Variants in COL21A1 observed in about 807,000 individuals in gnomAD.
COL21A1 encodes collagen alpha-1(XXI) chain.
In COL21A1, 149 loss-of-function variants were observed where a neutral mutation model predicts 137.9. That is an observed-to-expected ratio of 1.08 (90% CI 0.95 to 1.24). COL21A1 has a LOEUF of 1.24. Ranked by LOEUF, COL21A1 falls within the 50% of genes most tolerant of loss-of-function variation. The pLI, the probability that COL21A1 is intolerant of heterozygous loss-of-function variation, is 0.00. For missense variants in COL21A1, 1,167 were observed against 1,158.4 expected (o/e 1.01, Z -0.11); for synonymous variants, 456 against 391.5 (o/e 1.16, Z -1.95).
rs781665166 is a variant in COL21A1, at chr6:56,212,585, C to A, written c.-38-29929G>T. 2.5e-4 allele frequency among the ~76,000 whole-genome samples: 38 copies of A among 152,006 alleles called. No individual in the cohort carries two copies. The Middle Eastern group carries it at 0.01, about 41-fold the overall frequency. On this transcript the variant is annotated intron_variant, in intron 1 of 29. Coordinates refer to ENST00000244728, the MANE Select transcript of COL21A1 (RefSeq NM_030820.4). ...AAGGAAAACAACTAATCATGAAAAA[C>A]AAAAGTGCTTAACACTACATGGAAC...
At chr6:56,098,634 T>G (rs1404654647) in intron 17 of COL21A1, among the ~76,000 whole-genome samples, 4 of 53,270 alleles carry the variant, frequency 7.5e-5, no homozygotes, top group Non-Finnish European at 1.2e-4. Context: ...TAAATATATA[T>G]ATAAATATAT....
At chr6:56,184,007 T>A (rs1778097624) in intron 1 of COL21A1, among the ~76,000 whole-genome samples, 1 of 151,962 alleles carries the variant, frequency 6.6e-6, no homozygotes, top group South Asian at 2.1e-4. Context: ...CCCCAAGGCA[T>A]AAAAACATGA....
intron 19 of COL21A1, among the ~76,000 whole-genome samples, chr6:56,075,074 G>A (rs1562154726): frequency 6.6e-6 from 1 of 151,052 alleles, no homozygotes; most frequent in Admixed American, 6.6e-5. Flanking sequence ...AATTTACTCT[G>A]TTTTAGGAGC....
At chr6:56,123,326 C>A (rs964834611) in intron 16 of COL21A1, among the ~76,000 whole-genome samples, 8 of 152,084 alleles carry the variant, frequency 5.3e-5, no homozygotes, top group Non-Finnish European at 1.0e-4. Flanking sequence ...GTATACTCTT[C>A]GAAGAATCAT....
chr6:56,182,832 T>C (rs1027001125), intron 1 of COL21A1, among the ~76,000 whole-genome samples, 176 bp from the exon 2 acceptor site: 1 of 152,174 alleles, frequency 6.6e-6, no homozygotes. Flanking sequence ...AGGAGGACAA[T>C]GAATAGTGGC....
At chr6:56,216,879 C>T (rs1435113949) in intron 1 of COL21A1, among the ~76,000 whole-genome samples, 1 of 151,902 alleles carries the variant, frequency 6.6e-6, no homozygotes, top group Non-Finnish European at 1.5e-5. Flanking sequence ...AAGATAATTA[C>T]AGAATAATTT....
At chr6:56,120,280 C>A (rs1363761381) in intron 16 of COL21A1, among the ~76,000 whole-genome samples, 1 of 152,030 alleles carries the variant, frequency 6.6e-6, no homozygotes. Flanking sequence ...ATACAAATGG[C>A]AAACAGGCAT....
Position 56,130,165 on chromosome 6 carries a change from T to TTATATATATA in COL21A1, c.1543-4026_1543-4017dup, listed in dbSNP as rs201644225. Among the ~76,000 whole-genome samples the TTATATATATA allele has an allele frequency of 6.5e-3, 696 of 107,208 alleles. 11 individuals carry two copies. Among genetic ancestry groups the TTATATATATA allele is most frequent in the Non-Finnish European group, 7.9e-3 (419 of 52,722 alleles). 70.3% of individuals were successfully genotyped at this position (107,208 alleles called of 152,430 possible). On this transcript the variant is annotated intron_variant, in intron 12 of 29. Coordinates refer to ENST00000244728, the MANE Select transcript of COL21A1 (RefSeq NM_030820.4). ...CCCTGAGAGCATTCATGACAGGGTT[T>TTATATATATA]TATATATATATATATATATATATAT...
intron 17 of COL21A1, among the ~76,000 whole-genome samples, chr6:56,095,129 C>CAA (rs1414728270): frequency 6.6e-6 from 1 of 152,146 alleles, no homozygotes; most frequent in African/African-American, 2.4e-5. Context: ...TCTATTTTTA[C>CAA]AAGCCTATTA....
At chr6:56,341,333 C>T (rs1765464158) in intron 1 of COL21A1, among the ~76,000 whole-genome samples, 1 of 152,082 alleles carries the variant, frequency 6.6e-6, no homozygotes, top group African/African-American at 2.4e-5. Flanking sequence ...TCAATAAACT[C>T]CATTATTCAA....
chr6:56,168,498 C>T (rs1776774067), intron 5 of COL21A1, among the ~76,000 whole-genome samples: 1 of 152,032 alleles, frequency 6.6e-6, no homozygotes, highest in East Asian at 1.9e-4. Context: ...TATCTGAGTT[C>T]CTATTACATA....
At chr6:56,206,931 G>T (rs1226036915) in intron 1 of COL21A1, among the ~76,000 whole-genome samples, 2 of 151,830 alleles carry the variant, frequency 1.3e-5, no homozygotes, top group Non-Finnish European at 2.9e-5. Context: ...ACCTACTCCT[G>T]AATGACTACT....
chr6:56,219,554 T>C (rs1780701811), intron 1 of COL21A1, among the ~76,000 whole-genome samples: 1 of 152,120 alleles, frequency 6.6e-6, no homozygotes, highest in African/African-American at 2.4e-5. Context: ...GTCTCGACTT[T>C]TTGCAAATTC....
At chr6:56,282,671 A>G (rs964710278) in intron 1 of COL21A1, among the ~76,000 whole-genome samples, 1 of 152,162 alleles carries the variant, frequency 6.6e-6, no homozygotes, top group African/African-American at 2.4e-5. Context: ...AAATCCAGAC[A>G]CCTTTGTCTT....
At chr6:56,302,689 C>T (rs1226617618) in intron 1 of COL21A1, among the ~76,000 whole-genome samples, 1 of 151,972 alleles carries the variant, frequency 6.6e-6, no homozygotes, top group Non-Finnish European at 1.5e-5. Context: ...TGCCTGTTCA[C>T]TCTGATGGTA....
At chr6:56,159,066 A>G (rs1002891374) in intron 9 of COL21A1, among the ~76,000 whole-genome samples, 1 of 152,012 alleles carries the variant, frequency 6.6e-6, no homozygotes, top group African/African-American at 2.4e-5. Context: ...TTCCTTATCC[A>G]TGTGCTGATT....
chr6:56,264,065 T>C (rs1447978738), intron 1 of COL21A1, among the ~76,000 whole-genome samples: 2 of 152,200 alleles, frequency 1.3e-5, no homozygotes, highest in Non-Finnish European at 2.9e-5. Context: ...TTATAATGTT[T>C]TCCTTATGAT....
chr6:56,385,517 T>C (rs992129923), intron 1 of COL21A1, among the ~76,000 whole-genome samples: 28 of 152,206 alleles, frequency 1.8e-4, no homozygotes, highest in African/African-American at 6.0e-4. Context: ...CTGACTCTTT[T>C]TTTTTAGTCT....
At chr6:56,171,411 T>C (rs932510775) in intron 3 of COL21A1, among the ~76,000 whole-genome samples, 5 of 151,942 alleles carry the variant, frequency 3.3e-5, no homozygotes, top group Non-Finnish European at 7.4e-5. Flanking sequence ...GTATTGTCTT[T>C]AGCAAAAAAT....
Sources: gnomAD v4.1 joint callset for allele counts (sites outside exome capture counted in the v4.1 genomes callset) on GRCh38, gnomAD v4.1.1 for gene constraint, MANE v1.5 for transcripts, NCBI Gene and HGNC (gene_info 2026-07-23, HGNC 2026-07-21) for gene names.